Variants in NCOA2 observed in about 807,000 individuals in gnomAD.
NCOA2 encodes class E basic helix-loop-helix protein 75.
NCOA2 carries 21 observed loss-of-function variants against 145.1 expected under a neutral mutation model. The observed-to-expected ratio is 0.14, with a 90% CI of 0.10 to 0.21. NCOA2 has a LOEUF of 0.21. NCOA2 is among the 10% of genes least tolerant of loss of function. The probability of loss-of-function intolerance (pLI) is 1.00; values close to 1 mark genes in which losing one functional copy is unlikely to be tolerated. For missense variants in NCOA2, 1,472 were observed against 1,837.6 expected (o/e 0.80, Z 3.64); for synonymous variants, 619 against 637.5 (o/e 0.97, Z 0.44).
intron 6 of NCOA2, among the ~76,000 whole-genome samples, chr8:70,168,828 G>A (rs1813917187): frequency 6.6e-6 from 1 of 152,134 alleles, no homozygotes; most frequent in Non-Finnish European, 1.5e-5. Flanking sequence ...TAAAACTACT[G>A]AAGAGATCTG....
the NCOA2 span, chr8:70,424,519 T>A: frequency 3.8e-6 from 2 of 530,656 alleles, no homozygotes; most frequent in South Asian, 2.8e-5. Flanking sequence ...CCAACATGGA[T>A]GTTGGTGTTG....
intron 1 of NCOA2, among the ~76,000 whole-genome samples, chr8:70,335,775 G>A (rs1807530265): frequency 6.6e-6 from 1 of 152,066 alleles, no homozygotes; most frequent in Non-Finnish European, 1.5e-5. Context: ...GAACATTGTA[G>A]AGCATATTTA....
rs1180226585 is a variant in NCOA2, at chr8:70,367,121, T to A, written c.-77+36579A>T. On this transcript the variant is annotated intron_variant, in intron 1 of 22. Transcript: ENST00000452400. ...AACCTTCAAAACACCCTACCAGGCC[T>A]TGGGGGAGGAAAAATTATTGTTTTA... Among the ~76,000 whole-genome samples, 3 of 152,278 alleles carry A rather than the reference T, an allele frequency of 2.0e-5. No individual in the cohort carries two copies. In the South Asian group the frequency reaches 6.2e-4, roughly 32 times the overall value.
the NCOA2 span, among the ~76,000 whole-genome samples, chr8:70,432,012 C>G: frequency 6.6e-6 from 1 of 152,176 alleles, no homozygotes; most frequent in Non-Finnish European, 1.5e-5. Flanking sequence ...ATGGTAAAAT[C>G]AGAGCGTGCT....
chr8:70,313,174 T>C (rs1805270656), intron 1 of NCOA2, among the ~76,000 whole-genome samples: 1 of 152,204 alleles, frequency 6.6e-6, no homozygotes, highest in African/African-American at 2.4e-5. Flanking sequence ...TTTGCCCTAT[T>C]TATAAAATAG....
At chr8:70,414,813 C>A in the NCOA2 span, among the ~76,000 whole-genome samples, 3 of 152,248 alleles carry the variant, frequency 2.0e-5, no homozygotes, top group Non-Finnish European at 4.4e-5. Context: ...CTTCATAAAA[C>A]ACAGTTTTTA....
upstream of NCOA2, among the ~76,000 whole-genome samples, chr8:70,407,751 G>A (rs192958962): frequency 4.4e-4 from 67 of 152,116 alleles, 1 homozygote; most frequent in Admixed American, 2.1e-3. Flanking sequence ...AGCCAAGATC[G>A]CACCACTGCA....
intron 5 of NCOA2, among the ~76,000 whole-genome samples, chr8:70,173,014 G>A (rs920128812): frequency 8.5e-5 from 13 of 152,282 alleles, no homozygotes; most frequent in African/African-American, 2.4e-4. Context: ...GTGATTACAC[G>A]TAAACAGGGA....
At chr8:70,128,383 A>C in intron 18 of NCOA2, 50 bp downstream of exon 18, 1 of 1,496,112 alleles carries the variant, frequency 6.7e-7, no homozygotes. Context: ...GAAATGACAA[A>C]AGCAGCTGCA....
the NCOA2 span, among the ~76,000 whole-genome samples, chr8:70,429,428 C>T: frequency 6.6e-6 from 1 of 152,202 alleles, no homozygotes; most frequent in African/African-American, 2.4e-5. Context: ...TGTAATTCCC[C>T]TTAATGTATG....
intron 4 of NCOA2, among the ~76,000 whole-genome samples, chr8:70,199,980 G>A (rs1817712888): frequency 6.6e-6 from 1 of 152,166 alleles, no homozygotes; most frequent in Admixed American, 6.5e-5. Context: ...TGGATGGTCT[G>A]TACCAAACAT....
At chr8:70,201,049 C>CAAAAAAA (rs60951750) in intron 4 of NCOA2, among the ~76,000 whole-genome samples, 52 of 63,802 alleles carry the variant, frequency 8.2e-4, no homozygotes, top group East Asian at 1.4e-3. Context: ...GACTGTGTCT[C>CAAAAAAA]AAAAAAAAAA....
At chr8:70,238,818 T>A (rs978690881) in intron 2 of NCOA2, among the ~76,000 whole-genome samples, 1 of 152,138 alleles carries the variant, frequency 6.6e-6, no homozygotes, top group Non-Finnish European at 1.5e-5. Context: ...ACAGCAAATA[T>A]GGTACATTAC....
chr8:70,399,540 CCCT>C (rs1416935539), intron 1 of NCOA2, among the ~76,000 whole-genome samples: 1 of 152,158 alleles, frequency 6.6e-6, no homozygotes, highest in Non-Finnish European at 1.5e-5. Context: ...CTTATTTTCT[CCCT>C]CCTATTCTCT....
chr8:70,212,066 C>CATATATATATATATATATAT (rs36215324), intron 4 of NCOA2, among the ~76,000 whole-genome samples: 6 of 144,376 alleles, frequency 4.2e-5, no homozygotes, highest in South Asian at 2.3e-4. Context: ...CTTTGTGGCG[C>CATATATATATATATATATAT]ATATATATAT....
intron 12 of NCOA2, among the ~76,000 whole-genome samples, chr8:70,146,274 T>C (rs921779349): frequency 1.3e-5 from 2 of 152,220 alleles, no homozygotes; most frequent in Admixed American, 6.5e-5. Flanking sequence ...TATTTGGATT[T>C]GATATGATTT....
intron 7 of NCOA2, among the ~76,000 whole-genome samples, chr8:70,164,280 G>T (rs1035907273): frequency 1.3e-5 from 2 of 152,144 alleles, no homozygotes; most frequent in African/African-American, 4.8e-5. Flanking sequence ...CTGGAGGAAA[G>T]GGAAAAGTTT....
chr8:70,338,954 A>G lies in NCOA2; in HGVS notation c.-76-42154T>C, dbSNP rs547975949. Reference sequence around the variant, plus strand: ...AGGTATTGAAGGAACATACCTCAAAATAATAAGAGCCATATATGACAAACT... The same window carrying G: ...AGGTATTGAAGGAACATACCTCAAAGTAATAAGAGCCATATATGACAAACT... On this transcript the variant is annotated intron_variant, in intron 1 of 22. Transcript: ENST00000452400. Among the ~76,000 whole-genome samples the G allele has an allele frequency of 3.3e-5, 5 of 152,254 alleles. No homozygotes were observed. The South Asian group carries it at 1.0e-3, about 32-fold the overall frequency.
At chr8:70,422,523 A>G in the NCOA2 span, among the ~76,000 whole-genome samples, 4 of 151,454 alleles carry the variant, frequency 2.6e-5, no homozygotes, top group African/African-American at 9.7e-5. Flanking sequence ...CGATCCTCCC[A>G]CCTCAGCCTC....
Sources: gnomAD v4.1 joint callset for allele counts (sites outside exome capture counted in the v4.1 genomes callset) on GRCh38, gnomAD v4.1.1 for gene constraint, MANE v1.5 for transcripts, NCBI Gene and HGNC (gene_info 2026-07-23, HGNC 2026-07-21) for gene names.